SHISA9: variants seen among roughly 807,000 people sequenced by gnomAD.
SHISA9 encodes shisa family member 9.
Under a neutral mutation model 38.0 loss-of-function variants are expected in SHISA9, and 13 were observed. The ratio of observed to expected loss-of-function variants is 0.34; its 90% CI spans 0.22 to 0.54. The LOEUF (loss-of-function observed/expected upper bound fraction) is 0.54, where lower values mean the gene tolerates loss of function less well. Among genes scored for constraint, SHISA9 ranks in the 20% least tolerant of loss-of-function variants. The pLI is 0.91. For synonymous variants in SHISA9, 275 were observed against 242.0 expected, an observed-to-expected ratio of 1.14 and a Z score of -1.27; for missense variants, 538 against 575.8, an observed-to-expected ratio of 0.93 and a Z score of 0.67.
intron 4 of SHISA9, among the ~76,000 whole-genome samples, chr16:13,226,546 T>C (rs1476183224): frequency 1.3e-5 from 2 of 152,226 alleles, no homozygotes; most frequent in East Asian, 1.9e-4. Flanking sequence ...CTCAAAGCTT[T>C]TGCAAATGCT....
At chr16:13,549,130 A>C in the SHISA9 span, among the ~76,000 whole-genome samples, 1 of 152,212 alleles carries the variant, frequency 6.6e-6, no homozygotes, top group Non-Finnish European at 1.5e-5. Context: ...GACGAATACC[A>C]CACAATCTCT....
At chr16:13,003,616 G>T (rs1454619844) in intron 2 of SHISA9, among the ~76,000 whole-genome samples, 1 of 152,134 alleles carries the variant, frequency 6.6e-6, no homozygotes, top group African/African-American at 2.4e-5. Flanking sequence ...CCAGCATTTT[G>T]GGAGGCCAGA....
the SHISA9 span, among the ~76,000 whole-genome samples, chr16:13,246,655 T>C: frequency 2.6e-5 from 4 of 152,198 alleles, no homozygotes; most frequent in Admixed American, 2.0e-4. Flanking sequence ...AGCATGAGTC[T>C]CTAAATGGTT....
At chr16:12,994,250 T>C (rs1596570833) in intron 2 of SHISA9, among the ~76,000 whole-genome samples, 1 of 152,190 alleles carries the variant, frequency 6.6e-6, no homozygotes, top group East Asian at 1.9e-4. Context: ...TGATGGTGTC[T>C]TGGACCAGAG....
intron 2 of SHISA9, among the ~76,000 whole-genome samples, chr16:13,064,811 A>C (rs1438013984): frequency 6.6e-6 from 1 of 150,736 alleles, no homozygotes; most frequent in Non-Finnish European, 1.5e-5. Flanking sequence ...AGAAAAAAAG[A>C]GAACAAATGG....
chr16:13,418,446 C>T, the SHISA9 span, among the ~76,000 whole-genome samples: 9 of 152,116 alleles, frequency 5.9e-5, no homozygotes, highest in Non-Finnish European at 1.2e-4. Context: ...CTGCTGAAAC[C>T]GCATATGCAA....
At chr16:13,468,836 T>C in the SHISA9 span, among the ~76,000 whole-genome samples, 7 of 151,892 alleles carry the variant, frequency 4.6e-5, no homozygotes, top group Non-Finnish European at 8.8e-5. Flanking sequence ...ATAAAATATA[T>C]ATGTATTCTT....
At chr16:13,530,443 G>T in the SHISA9 span, among the ~76,000 whole-genome samples, 3 of 152,086 alleles carry the variant, frequency 2.0e-5, no homozygotes, top group African/African-American at 7.2e-5. Flanking sequence ...TTATTGTGTG[G>T]ATTAAATTTA....
intron 3 of SHISA9, among the ~76,000 whole-genome samples, chr16:13,207,550 C>G (rs1453285399): frequency 6.6e-6 from 1 of 151,854 alleles, no homozygotes; most frequent in African/African-American, 2.4e-5. Context: ...ACGTGGGACA[C>G]CTTCCCCAGT....
At chr16:13,463,700 C>T in the SHISA9 span, among the ~76,000 whole-genome samples, 3 of 152,192 alleles carry the variant, frequency 2.0e-5, no homozygotes, top group African/African-American at 7.2e-5. Context: ...TTTGGCAGCG[C>T]CCTCATGGTT....
At chr16:13,056,258 G>A (rs1034193880) in intron 2 of SHISA9, among the ~76,000 whole-genome samples, 1 of 152,246 alleles carries the variant, frequency 6.6e-6, no homozygotes, top group East Asian at 1.9e-4. Context: ...ACAGAAGTGT[G>A]CTGGGGGTGT....
the SHISA9 span, among the ~76,000 whole-genome samples, chr16:13,408,654 A>C: frequency 6.6e-6 from 1 of 152,228 alleles, no homozygotes; most frequent in Non-Finnish European, 1.5e-5. Context: ...AGCTTGTTTC[A>C]TATATGAGTT....
At chr16:13,246,599 T>C in the SHISA9 span, among the ~76,000 whole-genome samples, 2 of 152,326 alleles carry the variant, frequency 1.3e-5, no homozygotes, top group South Asian at 4.1e-4. Context: ...TTAGGCACTG[T>C]AAAAGCTTCA....
chr16:12,915,691 G>A (rs146108316), intron 1 of SHISA9, among the ~76,000 whole-genome samples: 3 of 152,244 alleles, frequency 2.0e-5, no homozygotes, highest in African/African-American at 4.8e-5. Context: ...TGCTTATGAC[G>A]GAATACTATG....
the SHISA9 span, among the ~76,000 whole-genome samples, chr16:13,263,027 G>C: frequency 1.3e-5 from 2 of 152,002 alleles, no homozygotes; most frequent in Non-Finnish European, 2.9e-5. Flanking sequence ...CTGTTTACTT[G>C]CCTTAAATTT....
chr16:13,446,784 C>G, the SHISA9 span, among the ~76,000 whole-genome samples: 210 of 152,030 alleles, frequency 1.4e-3, no homozygotes, highest in African/African-American at 5.0e-3. Context: ...TGAGACCAGC[C>G]TGGCCAACAT....
chr16:13,222,944 A>C (rs1271722389), intron 4 of SHISA9, among the ~76,000 whole-genome samples: 1 of 152,102 alleles, frequency 6.6e-6, no homozygotes, highest in Non-Finnish European at 1.5e-5. Flanking sequence ...AGGCAATGAC[A>C]TTGGCCTTTT....
the SHISA9 span, among the ~76,000 whole-genome samples, chr16:13,322,173 G>A: frequency 6.6e-6 from 1 of 152,180 alleles, no homozygotes; most frequent in South Asian, 2.1e-4. Context: ...GGAGCTGAGT[G>A]CCTTAACTGA....
chr16:12,902,914 A>C, intron 1 of SHISA9: 1 of 368,306 alleles, frequency 2.7e-6, no homozygotes, highest in Non-Finnish European at 4.8e-6. Context: ...CTGGTGACTG[A>C]GGCGGACTTG....
Sources: allele counts gnomAD v4.1 joint callset (sites outside exome capture counted in the v4.1 genomes callset), GRCh38; gene constraint gnomAD v4.1.1; transcripts MANE v1.5; gene names NCBI Gene and HGNC (gene_info 2026-07-23, HGNC 2026-07-21).